Variants in PELI2 observed in about 807,000 individuals in gnomAD.
PELI2 encodes E3 ubiquitin-protein ligase pellino homolog 2.
In PELI2, 23 loss-of-function variants were observed where a neutral mutation model predicts 42.3. The observed-to-expected ratio is 0.54, with a 90% CI of 0.39 to 0.77. The LOEUF (loss-of-function observed/expected upper bound fraction) is 0.77, where lower values mean the gene tolerates loss of function less well. PELI2 is among the 30% of genes least tolerant of loss of function. The pLI, the probability that PELI2 is intolerant of heterozygous loss-of-function variation, is 0.00. For missense variants in PELI2, 463 were observed against 553.2 expected (o/e 0.84, Z 1.64); for synonymous variants, 245 against 212.2 (o/e 1.15, Z -1.34).
At chr14:56,137,837 G>A (rs1226638395) in intron 1 of PELI2, among the ~76,000 whole-genome samples, 2 of 152,190 alleles carry the variant, frequency 1.3e-5, no homozygotes, top group African/African-American at 2.4e-5. Flanking sequence ...GTAGTGCTTG[G>A]ATCATTCTCG....
chr14:56,203,856 A>T (rs1296786985), intron 2 of PELI2, among the ~76,000 whole-genome samples: 2 of 152,166 alleles, frequency 1.3e-5, no homozygotes, highest in African/African-American at 4.8e-5. Context: ...AAAATCGGTG[A>T]CTTTTCAGCT....
intron 2 of PELI2, among the ~76,000 whole-genome samples, chr14:56,226,473 A>G (rs1219681511): frequency 6.6e-6 from 1 of 152,204 alleles, no homozygotes; most frequent in Non-Finnish European, 1.5e-5. Context: ...GCAAGGTGAA[A>G]AGGCGCTGTG....
intron 1 of PELI2, among the ~76,000 whole-genome samples, chr14:56,152,596 G>C (rs7140575): frequency 0.41 from 62,603 of 151,932 alleles, 13,444 homozygotes; most frequent in South Asian, 0.53. Context: ...GTCCTGCACA[G>C]GTCTTGTTTA....
intron 2 of PELI2, among the ~76,000 whole-genome samples, chr14:56,191,892 C>T (rs533220292): frequency 9.9e-5 from 15 of 152,266 alleles, no homozygotes; most frequent in African/African-American, 3.6e-4. Flanking sequence ...TGTACTCACA[C>T]TGCACACCCA....
At chr14:56,130,648 T>A (rs1883451444) in intron 1 of PELI2, among the ~76,000 whole-genome samples, 1 of 152,088 alleles carries the variant, frequency 6.6e-6, no homozygotes, top group Non-Finnish European at 1.5e-5. Context: ...TTCAGAAAAT[T>A]AAATGTCTGT....
Position 56,297,576 on chromosome 14 carries a change from G to C in PELI2, c.*410G>C, listed in dbSNP as rs545997948. The C allele has an allele frequency of 6.3e-5, 12 of 191,572 alleles. No homozygotes were observed. The highest frequency in any genetic ancestry group is 9.8e-5 in the Non-Finnish European group (9 of 91,716). 11.9% of individuals were successfully genotyped at this position (191,572 alleles called of 1,614,324 possible). ...TTCACTTCAGTGCAGTGTGGTGTAG[G>C]TGTTACGCGAAGGGCGCACAGTGTC... On this transcript the variant is annotated 3_prime_UTR_variant, in exon 6 of 6. Coordinates refer to ENST00000267460, the MANE Select transcript of PELI2 (RefSeq NM_021255.3).
chr14:56,268,872 C>A (rs184729492), intron 2 of PELI2, among the ~76,000 whole-genome samples: 1 of 152,088 alleles, frequency 6.6e-6, no homozygotes, highest in Non-Finnish European at 1.5e-5. Context: ...CCTGCTGCAT[C>A]GTCTCATGCT....
chr14:56,159,572 T>C (rs1482034581), intron 1 of PELI2, among the ~76,000 whole-genome samples: 1 of 152,194 alleles, frequency 6.6e-6, no homozygotes, highest in African/African-American at 2.4e-5. Flanking sequence ...TGCTACACTT[T>C]GTTTTTTTCT....
intron 5 of PELI2, among the ~76,000 whole-genome samples, chr14:56,295,882 T>A (rs1889983289): frequency 6.6e-6 from 1 of 152,192 alleles, no homozygotes; most frequent in Admixed American, 6.5e-5. Flanking sequence ...CTCAGCAGGA[T>A]GGGGAAGAGG....
intron 2 of PELI2, among the ~76,000 whole-genome samples, chr14:56,178,718 G>A (rs1293446888): frequency 6.6e-6 from 1 of 152,206 alleles, no homozygotes; most frequent in African/African-American, 2.4e-5. Context: ...CACTAAAAAT[G>A]TCTCAAGACA....
chr14:56,279,272 G>A (rs1275705361), intron 2 of PELI2, among the ~76,000 whole-genome samples: 8 of 151,940 alleles, frequency 5.3e-5, no homozygotes, highest in African/African-American at 1.9e-4. Context: ...CTATCACCTA[G>A]GAAAAATAAT....
chr14:56,222,441 C>T (rs903617400), intron 2 of PELI2, among the ~76,000 whole-genome samples: 3 of 152,200 alleles, frequency 2.0e-5, no homozygotes, highest in South Asian at 2.1e-4. Flanking sequence ...AGAACATTAA[C>T]ATCTACCACT....
intron 2 of PELI2, among the ~76,000 whole-genome samples, chr14:56,275,478 G>A (rs1301282994): frequency 6.6e-6 from 1 of 152,074 alleles, no homozygotes; most frequent in East Asian, 1.9e-4. Context: ...TTGTTTTCCA[G>A]CAACCAGACA....
At chr14:56,140,776 A>G (rs557601510) in intron 1 of PELI2, among the ~76,000 whole-genome samples, 8 of 152,320 alleles carry the variant, frequency 5.3e-5, no homozygotes, top group African/African-American at 1.9e-4. Flanking sequence ...AAAATTAATG[A>G]TGCAAGAACT....
At chr14:56,261,369 A>G (rs960676652) in intron 2 of PELI2, among the ~76,000 whole-genome samples, 3 of 152,104 alleles carry the variant, frequency 2.0e-5, no homozygotes, top group African/African-American at 7.2e-5. Flanking sequence ...CGATTTGCAC[A>G]GTACCATTCT....
intron 1 of PELI2, among the ~76,000 whole-genome samples, chr14:56,129,382 T>G (rs764798261): frequency 8.5e-5 from 13 of 152,252 alleles, no homozygotes; most frequent in Admixed American, 6.5e-4. Context: ...GATAACGTGA[T>G]CCATTTAATT....
chr14:56,294,870 G>A lies in PELI2; in HGVS notation c.697-1730G>A, dbSNP rs368355595. Among the ~76,000 whole-genome samples the A allele has an allele frequency of 2.0e-5, 3 of 152,174 alleles. No homozygotes were observed. The East Asian group carries it at 5.8e-4, about 29-fold the overall frequency. The stretch of plus-strand genomic sequence containing the variant: ...TTCTCACAACAATCCTATAAGACAT[G>A]TATTGGCATTATTCCAGCTTAATGG... On this transcript the variant is annotated intron_variant, in intron 5 of 5. Transcript: ENST00000267460.
chr14:56,141,294 C>A (rs138768158), intron 1 of PELI2, among the ~76,000 whole-genome samples: 5 of 152,332 alleles, frequency 3.3e-5, no homozygotes, highest in Non-Finnish European at 7.3e-5. Context: ...GAAGAGACGA[C>A]ATCAGACCAG....
chr14:56,207,534 A>G (rs1330295877), intron 2 of PELI2, among the ~76,000 whole-genome samples: 2 of 152,220 alleles, frequency 1.3e-5, no homozygotes, highest in South Asian at 2.1e-4. Flanking sequence ...ACTTTCTAGC[A>G]TGTTCATTTT....
Sources: gnomAD v4.1 joint callset for allele counts (sites outside exome capture counted in the v4.1 genomes callset) on GRCh38, gnomAD v4.1.1 for gene constraint, MANE v1.5 for transcripts, NCBI Gene and HGNC (gene_info 2026-07-23, HGNC 2026-07-21) for gene names.